Variants in RFC3 observed in about 807,000 individuals in gnomAD.
RFC3 encodes the protein replication factor C subunit 3, also known as A1 38 kDa subunit.
RFC3 carries 41 observed loss-of-function variants against 45.1 expected under a neutral mutation model. The observed-to-expected ratio is 0.91, with a 90% CI of 0.71 to 1.18. The LOEUF (loss-of-function observed/expected upper bound fraction) is 1.18, where lower values mean the gene tolerates loss of function less well. Among genes scored for constraint, RFC3 ranks in the 50% most tolerant of loss-of-function variants. The pLI, the probability that RFC3 is intolerant of heterozygous loss-of-function variation, is 0.00. For missense variants in RFC3, 423 were observed against 428.1 expected (o/e 0.99, Z 0.10); for synonymous variants, 149 against 144.0 (o/e 1.03, Z -0.25).
At chr13:33,834,097 G>A (rs1414532632) in intron 7 of RFC3, among the ~76,000 whole-genome samples, 3 of 150,900 alleles carry the variant, frequency 2.0e-5, no homozygotes, top group Non-Finnish European at 4.4e-5. Flanking sequence ...TGTAAGTACT[G>A]AGTTAAATTA....
intron 8 of RFC3, among the ~76,000 whole-genome samples, chr13:33,923,769 C>T (rs1259254906): frequency 6.6e-6 from 1 of 152,118 alleles, no homozygotes; most frequent in Non-Finnish European, 1.5e-5. Flanking sequence ...CTTTTAAAAT[C>T]TGAAGGTGCT....
intron 8 of RFC3, among the ~76,000 whole-genome samples, chr13:33,866,907 GTTAT>G (rs2082377223): frequency 6.6e-6 from 1 of 152,080 alleles, no homozygotes; most frequent in South Asian, 2.1e-4. Flanking sequence ...TTTGAACATG[GTTAT>G]TCATTCTTGT....
chr13:33,953,386 G>C (rs1301273373), intron 8 of RFC3, among the ~76,000 whole-genome samples: 1 of 149,254 alleles, frequency 6.7e-6, no homozygotes, highest in Admixed American at 6.7e-5. Context: ...TCTCCTGGAA[G>C]CCTTTCAATA....
At chr13:33,950,072 TACACACACAC>T (rs71196530) in intron 8 of RFC3, among the ~76,000 whole-genome samples, 2 of 144,840 alleles carry the variant, frequency 1.4e-5, no homozygotes, top group Non-Finnish European at 1.5e-5. Flanking sequence ...TCTCTCGCTC[TACACACACAC>T]ACACACACAC....
rs3135632 is a variant in RFC3, at chr13:33,836,049, G to T, written c.880-55G>T. 3,377 of 1,518,724 alleles carry T rather than the reference G, an allele frequency of 2.2e-3. 50 individuals are homozygous for T. In the African/African-American group the frequency reaches 0.029, roughly 13 times the overall value. 94.1% of individuals were successfully genotyped at this position (1,518,724 alleles called of 1,614,324 possible). A position where few individuals can be genotyped will look rare whatever the true frequency, so the allele number is the denominator to read the frequency against. ...TCTTTTTGTGAATGGGAGAAATAAGGCATGCTTAGCTGTTTTTATTAATGA... is the reference window on the plus strand; with the variant it reads ...TCTTTTTGTGAATGGGAGAAATAAGTCATGCTTAGCTGTTTTTATTAATGA... On this transcript the variant is annotated intron_variant, in intron 8 of 8. Transcript: ENST00000380071.
chr13:33,842,677 G>A (rs1043622543), intron 8 of RFC3, among the ~76,000 whole-genome samples: 7 of 152,076 alleles, frequency 4.6e-5, no homozygotes, highest in Admixed American at 1.3e-4. Flanking sequence ...TTCCCACCCC[G>A]CAGCCACTTT....
At chr13:33,830,081 G>GT (rs2082088245) in intron 5 of RFC3, 64 bp downstream of exon 5, 1 of 1,410,850 alleles carries the variant, frequency 7.1e-7, no homozygotes, top group African/African-American at 1.4e-5. Flanking sequence ...TTGTATGCTT[G>GT]TTGTAAAAGA....
At chr13:33,858,121 G>A (rs987530194) in intron 8 of RFC3, among the ~76,000 whole-genome samples, 2 of 152,136 alleles carry the variant, frequency 1.3e-5, no homozygotes, top group African/African-American at 2.4e-5. Flanking sequence ...TAACCATCTC[G>A]GAAGCTGAGA....
intron 8 of RFC3, among the ~76,000 whole-genome samples, chr13:33,874,948 G>A (rs2082436717): frequency 2.6e-5 from 4 of 152,112 alleles, no homozygotes; most frequent in South Asian, 4.1e-4. Context: ...TTATTTTAAT[G>A]TTATCCAGTG....
intron 8 of RFC3, among the ~76,000 whole-genome samples, chr13:33,949,587 A>G (rs1001350528): frequency 1.3e-5 from 2 of 152,144 alleles, no homozygotes; most frequent in Admixed American, 6.5e-5. Context: ...TCATGACATG[A>G]TTGTACTGTG....
intron 8 of RFC3, among the ~76,000 whole-genome samples, chr13:33,922,120 G>A (rs2082772768): frequency 6.6e-6 from 1 of 150,604 alleles, no homozygotes. Flanking sequence ...TTAGGAAAGA[G>A]AGTAATCTTT....
At chr13:33,849,968 TATTA>T (rs2082266114) in intron 8 of RFC3, 1 of 152,206 alleles carries the variant, frequency 6.6e-6, no homozygotes, top group South Asian at 2.1e-4. Flanking sequence ...GGGTTGAGAA[TATTA>T]ATTACATGTT....
chr13:33,870,387 G>T (rs4943159), intron 8 of RFC3, among the ~76,000 whole-genome samples: 135,288 of 152,270 alleles, frequency 0.89, 60,399 homozygotes, highest in Non-Finnish European at 0.94. Context: ...AAAATTCAAG[G>T]CACATGACAT....
At chr13:33,918,950 C>T (rs1002021615) in intron 8 of RFC3, among the ~76,000 whole-genome samples, 24 of 152,066 alleles carry the variant, frequency 1.6e-4, no homozygotes, top group African/African-American at 5.1e-4. Flanking sequence ...CTCTGTAATT[C>T]GAAGTGATCA....
intron 8 of RFC3, among the ~76,000 whole-genome samples, chr13:33,872,791 A>ACCCCC (rs1240756847): frequency 6.9e-5 from 2 of 29,140 alleles, no homozygotes; most frequent in African/African-American, 1.8e-4. Flanking sequence ...AAAGAAACCA[A>ACCCCC]ACCCCCCCCC....
chr13:33,922,746 G>A (rs946507347), intron 8 of RFC3, among the ~76,000 whole-genome samples: 1 of 152,084 alleles, frequency 6.6e-6, no homozygotes, highest in Non-Finnish European at 1.5e-5. Context: ...AGAGGCCATG[G>A]GATTAGGCAC....
At chr13:33,937,021 T>C (rs2082890824) in intron 8 of RFC3, among the ~76,000 whole-genome samples, 1 of 152,164 alleles carries the variant, frequency 6.6e-6, no homozygotes, top group Admixed American at 6.5e-5. Context: ...CTATGTTAAT[T>C]ATCTTGATTG....
intron 8 of RFC3, among the ~76,000 whole-genome samples, chr13:33,918,164 C>T (rs1377856738): frequency 6.6e-6 from 1 of 152,172 alleles, no homozygotes; most frequent in Non-Finnish European, 1.5e-5. Flanking sequence ...GTTCTTTCCA[C>T]TGCATCATTC....
the RFC3 span, among the ~76,000 whole-genome samples, chr13:33,976,325 G>A: frequency 8.5e-5 from 13 of 152,102 alleles, no homozygotes; most frequent in African/African-American, 2.9e-4. Context: ...AATAAGCCAG[G>A]TACAAACAAA....
Sources: allele counts gnomAD v4.1 joint callset (sites outside exome capture counted in the v4.1 genomes callset), GRCh38; gene constraint gnomAD v4.1.1; transcripts MANE v1.5; gene names NCBI Gene and HGNC (gene_info 2026-07-23, HGNC 2026-07-21).